The following PSORS1C2 variants were observed in gnomAD, a reference collection of about 807,000 sequenced individuals.
PSORS1C2 encodes the protein psoriasis susceptibility 1 candidate 2, also known as psoriasis susceptibility 1 candidate gene 2 protein.
In PSORS1C2, 13 loss-of-function variants were observed where a neutral mutation model predicts 12.2. The observed-to-expected ratio is 1.07, with a 90% CI of 0.70 to 1.70. PSORS1C2 has a LOEUF of 1.70. Ranked by LOEUF, PSORS1C2 falls within the 40% of genes most tolerant of loss-of-function variation. PSORS1C2 has a pLI of 0.00. For missense variants in PSORS1C2, 186 were observed against 173.4 expected, an observed-to-expected ratio of 1.07 and a Z score of -0.41; for synonymous variants, 76 against 69.2, an observed-to-expected ratio of 1.10 and a Z score of -0.49.
Position 31,137,667 on chromosome 6 carries a change from A to C in PSORS1C2, c.*284T>G. 2.7e-6 allele frequency: 1 copy of C among 363,858 alleles called. No individual in the cohort carries two copies. Among genetic ancestry groups the C allele is most frequent in the Non-Finnish European group, 4.9e-6 (1 of 204,664 alleles). 22.5% of individuals were successfully genotyped at this position (363,858 alleles called of 1,614,324 possible). A position where few individuals can be genotyped will look rare whatever the true frequency, so the allele number is the denominator to read the frequency against. ...CTGCCCCAGCGATCGCGCGGGCAGG[A>C]AGACCGGGTGGGAGGTAGGTGCGGC... On this transcript the variant is annotated 3_prime_UTR_variant, in exon 2 of 2. Coordinates refer to ENST00000259845, the MANE Select transcript of PSORS1C2 (RefSeq NM_014069.3).
At chr6:31,138,723 TC>T (rs9278990) in intron 1 of PSORS1C2, 202,806 of 1,612,890 alleles carry the variant, frequency 0.13, 13,529 homozygotes, top group African/African-American at 0.17. Flanking sequence ...AGGAAACTCG[TC>T]CCCCCCACGT....
Position 31,137,955 on chromosome 6 carries a change from C to G in PSORS1C2, c.407G>C (p.Arg136Thr). Residue 136 changes from arginine to threonine, a missense_variant, in exon 2 of 2, where the codon AGA becomes ACA. Transcript: ENST00000259845. ...PDLDPPREEY[R>T] is the part of the protein sequence containing the mutation. ...AGAACGGCTGAGGGGACTCCATTAT[C>G]TGTACTCTTCCCGGGGTGGGTCTAG... is the stretch of plus-strand genomic sequence containing the variant. 1 of 1,475,736 alleles carries G rather than the reference C, an allele frequency of 6.8e-7. No homozygotes were observed. The highest frequency in any genetic ancestry group is 1.4e-5 in the South Asian group (1 of 69,986). 91.4% of individuals were successfully genotyped at this position (1,475,736 alleles called of 1,614,324 possible).
In PSORS1C2 at chr6:31,137,719, T is replaced by G; in HGVS notation, c.*232A>C. ...GAGGCCTGGAGGCGAGGTAGGAGAG[T>G]AGGCTTAGGCTGTCAGAGGAAAAAA... On this transcript the variant is annotated 3_prime_UTR_variant, in exon 2 of 2. Transcript: ENST00000259845. The G allele has an allele frequency of 2.5e-6, 1 of 393,144 alleles. No individual in the cohort carries two copies. The highest frequency in any genetic ancestry group is 4.5e-6 in the Non-Finnish European group (1 of 223,024). The allele number at this position is 393,144 out of a possible 1,614,324, so 24.4% of individuals were successfully genotyped here. A position where few individuals can be genotyped will look rare whatever the true frequency, so the allele number is the denominator to read the frequency against.
At position 31,137,654 on chromosome 6, in the gene PSORS1C2, T is replaced by G; in HGVS notation, c.*297A>C. ...CAGTACCATAGCCCTGCCCCAGCGATCGCGCGGGCAGGAAGACCGGGTGGG... is the reference window on the plus strand; with the variant it reads ...CAGTACCATAGCCCTGCCCCAGCGAGCGCGCGGGCAGGAAGACCGGGTGGG... On this transcript the variant is annotated 3_prime_UTR_variant, in exon 2 of 2. Transcript: ENST00000259845. 3.5e-5 allele frequency: 12 copies of G among 343,172 alleles called. No individual in the cohort carries two copies. The highest frequency in any genetic ancestry group is 1.3e-4 in the East Asian group (3 of 22,994). The allele number at this position is 343,172 out of a possible 1,614,324, so 21.3% of individuals were successfully genotyped here.
At position 31,137,856 on chromosome 6, in the gene PSORS1C2, C is replaced by T. The variant is rs2074478; in HGVS notation, c.*95G>A. 0.82 allele frequency: 459,167 copies of T among 558,006 alleles called. 189,542 individuals are homozygous for T. Among genetic ancestry groups the T allele is most frequent in the African/African-American group, 0.89 (45,833 of 51,762 alleles). The allele number at this position is 558,006 out of a possible 1,614,324, so 34.6% of individuals were successfully genotyped here. A position where few individuals can be genotyped will look rare whatever the true frequency, so the allele number is the denominator to read the frequency against. On this transcript the variant is annotated 3_prime_UTR_variant, in exon 2 of 2. Transcript: ENST00000259845. ...GGAATGAGGAAGAGGTTTAAGGAGACAGGCTAAATTGGGAAGAATTCACGG... is the reference window on the plus strand; with the variant it reads ...GGAATGAGGAAGAGGTTTAAGGAGATAGGCTAAATTGGGAAGAATTCACGG...
chr6:31,138,812 C>T lies in PSORS1C2; in HGVS notation c.55+160G>A, dbSNP rs1339944653. The T allele has an allele frequency of 4.3e-6, 7 of 1,613,674 alleles. No individual in the cohort carries two copies. In the Admixed American group the frequency reaches 6.7e-5, roughly 15 times the overall value. ...CCAAATGCACCTTCTGCACCATGTC[C>T]CCCACCCAATGTGTCCAGAAAGCCA... On this transcript the variant is annotated intron_variant, in intron 1 of 1. Coordinates refer to ENST00000259845, the MANE Select transcript of PSORS1C2 (RefSeq NM_014069.3).
In PSORS1C2 at chr6:31,137,688, G is replaced by A. The variant is rs938980711; in HGVS notation, c.*263C>T. On this transcript the variant is annotated 3_prime_UTR_variant, in exon 2 of 2. Coordinates refer to ENST00000259845, the MANE Select transcript of PSORS1C2 (RefSeq NM_014069.3). Reference sequence around the variant, plus strand: ...CAGGAAGACCGGGTGGGAGGTAGGTGCGGCCGAGGCCTGGAGGCGAGGTAG... The same window carrying A: ...CAGGAAGACCGGGTGGGAGGTAGGTACGGCCGAGGCCTGGAGGCGAGGTAG... 43 of 380,554 alleles carry A rather than the reference G, an allele frequency of 1.1e-4. No homozygotes were observed. The highest frequency in any genetic ancestry group is 8.5e-4 in the African/African-American group (41 of 48,302). The allele number at this position is 380,554 out of a possible 1,614,324, so 23.6% of individuals were successfully genotyped here.
Position 31,137,661 on chromosome 6 carries a change from G to A in PSORS1C2, c.*290C>T. On this transcript the variant is annotated 3_prime_UTR_variant, in exon 2 of 2. Coordinates refer to ENST00000259845, the MANE Select transcript of PSORS1C2 (RefSeq NM_014069.3). ...ATAGCCCTGCCCCAGCGATCGCGCG[G>A]GCAGGAAGACCGGGTGGGAGGTAGG... 1 of 359,522 alleles carries A rather than the reference G, an allele frequency of 2.8e-6. No homozygotes were observed. The highest frequency in any genetic ancestry group is 5.0e-6 in the Non-Finnish European group (1 of 201,862). 22.3% of individuals were successfully genotyped at this position (359,522 alleles called of 1,614,324 possible).
intron 1 of PSORS1C2, 168 bp from the exon 2 acceptor site, chr6:31,138,474 A>C (rs777479458): frequency 2.5e-6 from 4 of 1,612,666 alleles, no homozygotes; most frequent in South Asian, 1.1e-5. Context: ...GTTTGTAAAT[A>C]CTTAACTGAT....
At position 31,138,679 on chromosome 6, in the gene PSORS1C2, G is replaced by T. The variant is rs753876631; in HGVS notation, c.55+293C>A. On this transcript the variant is annotated intron_variant, in intron 1 of 1. Coordinates refer to ENST00000259845, the MANE Select transcript of PSORS1C2 (RefSeq NM_014069.3). ...AGGCACACAGACCCCAGCTTTACAAGGACCCCAGCTCCTTAACACAGATCC... is the reference window on the plus strand; with the variant it reads ...AGGCACACAGACCCCAGCTTTACAATGACCCCAGCTCCTTAACACAGATCC... 1.1e-5 allele frequency: 17 copies of T among 1,613,112 alleles called. No homozygotes were observed. In the Middle Eastern group the frequency reaches 4.9e-4, roughly 47 times the overall value.
chr6:31,138,649 C>A (rs1248809973), intron 1 of PSORS1C2: 1 of 1,612,976 alleles, frequency 6.2e-7, no homozygotes, highest in Non-Finnish European at 8.5e-7. Context: ...TACACCTTGG[C>A]CCCCAGGCAC....
chr6:31,138,787 C>T, intron 1 of PSORS1C2, 185 bp downstream of exon 1: 1 of 1,614,114 alleles, frequency 6.2e-7, no homozygotes, highest in Non-Finnish European at 8.5e-7. Flanking sequence ...CTGGTGAGAG[C>T]CAAATGCACC....
intron 1 of PSORS1C2, 126 bp from the exon 2 acceptor site, chr6:31,138,432 CAA>C (rs1243219436): frequency 6.2e-6 from 10 of 1,612,354 alleles, no homozygotes; most frequent in Non-Finnish European, 8.5e-6. Context: ...ACAAACAGAC[CAA>C]AAAAGTCACT....
At chr6:31,138,459 G>C (rs79592231) in intron 1 of PSORS1C2, 153 bp from the exon 2 acceptor site, 2 of 1,612,562 alleles carry the variant, frequency 1.2e-6, no homozygotes, top group South Asian at 1.1e-5. Context: ...AAGAGCTCTC[G>C]GTAGGTTTGT....
At position 31,137,760 on chromosome 6, in the gene PSORS1C2, C is replaced by G. The variant is rs371292409; in HGVS notation, c.*191G>C. 1 of 408,548 alleles carries G rather than the reference C, an allele frequency of 2.4e-6. No individual in the cohort carries two copies. The highest frequency in any genetic ancestry group is 1.1e-4 in the South Asian group (1 of 9,152). 25.3% of individuals were successfully genotyped at this position (408,548 alleles called of 1,614,324 possible). ...GAGGAAAAAACGGGCGATGTGAGGA[C>G]TAAGTATGGATCTCAGGAGGGGACA... On this transcript the variant is annotated 3_prime_UTR_variant, in exon 2 of 2. Transcript: ENST00000259845.
chr6:31,138,034 T>C lies in PSORS1C2; in HGVS notation c.328A>G (p.Asn110Asp). ...ACCTCAGGGGCAGGAGGCCAGGGGT[T>C]TTCTGGGGGCTGGGGTCCTGCCGGC... ...PWPAGPQPPE[N>D]PWPPAPEVDN... is the part of the protein sequence containing the mutation. The change falls in exon 2 of 2, where the codon AAC becomes GAC. Residue 110 changes from asparagine to aspartate, a missense_variant. Asn to Asp is a conservative substitution (Grantham distance 23). Coordinates refer to ENST00000259845, the MANE Select transcript of PSORS1C2 (RefSeq NM_014069.3). The C allele has an allele frequency of 6.5e-7, 1 of 1,528,560 alleles. No individual in the cohort carries two copies. The highest frequency in any genetic ancestry group is 8.8e-7 in the Non-Finnish European group (1 of 1,140,778). The allele number at this position is 1,528,560 out of a possible 1,614,324, so 94.7% of individuals were successfully genotyped here.
rs773700990 is a variant in PSORS1C2 at position 31,138,504 on chromosome 6, CT to C, written c.56-199del. On this transcript the variant is annotated intron_variant, in intron 1 of 1. Transcript: ENST00000259845. ...ACTGATGGTAAAATGTCATGAACCC[CT>C]ACCCCCGATGGATCTGAACCGTTCA... 19 of 1,609,504 alleles carry C rather than the reference CT, an allele frequency of 1.2e-5. 1 individual carries two copies. The South Asian group carries it at 2.0e-4, about 17-fold the overall frequency.
chr6:31,138,057 G>C lies in PSORS1C2; in HGVS notation c.305C>G (p.Pro102Arg). ...PQPPRPDDPW[P>R]AGPQPPENPW... ...GTTTTCTGGGGGCTGGGGTCCTGCC[G>C]GCCAAGGGTCGTCAGGCCGGGGAGG... The change falls in exon 2 of 2, where the codon CCG becomes CGG. Residue 102 changes from proline (P) to arginine (R), a missense_variant. Pro to Arg is a moderately radical substitution (Grantham distance 103, BLOSUM62 -2). Transcript: ENST00000259845. The C allele has an allele frequency of 6.5e-7, 1 of 1,540,416 alleles. No individual in the cohort carries two copies. The highest frequency in any genetic ancestry group is 8.7e-7 in the Non-Finnish European group (1 of 1,146,620).
chr6:31,138,765 A>G, intron 1 of PSORS1C2: 2 of 1,614,146 alleles, frequency 1.2e-6, no homozygotes, highest in Non-Finnish European at 8.5e-7. Flanking sequence ...ACATGGAGCC[A>G]GCAAACCATT....
Sources: gnomAD v4.1 joint callset for allele counts on GRCh38, gnomAD v4.1.1 for gene constraint, MANE v1.5 for transcripts, NCBI Gene and HGNC (gene_info 2026-07-23, HGNC 2026-07-21) for gene names.